TMEM74: variants seen among roughly 807,000 people sequenced by gnomAD.
TMEM74 encodes the protein transmembrane protein 74.
Under a neutral mutation model 18.1 loss-of-function variants are expected in TMEM74, and 13 were observed. The observed-to-expected ratio is 0.72, with a 90% CI of 0.47 to 1.14. The LOEUF (loss-of-function observed/expected upper bound fraction) is 1.14, where lower values mean the gene tolerates loss of function less well. Among genes scored for constraint, TMEM74 ranks in the 50% most tolerant of loss-of-function variants. The probability of loss-of-function intolerance (pLI) is 0.00; values close to 1 mark genes in which losing one functional copy is unlikely to be tolerated. For missense variants in TMEM74, 372 were observed against 375.9 expected, an observed-to-expected ratio of 0.99 and a Z score of 0.09; for synonymous variants, 159 against 146.6, an observed-to-expected ratio of 1.08 and a Z score of -0.61.
chr8:108,758,886 G>T (rs1418093209), intron 1 of TMEM74, among the ~76,000 whole-genome samples: 1 of 151,886 alleles, frequency 6.6e-6, no homozygotes, highest in Non-Finnish European at 1.5e-5. Flanking sequence ...CTAAATCAAA[G>T]CTATATAGAT....
chr8:108,675,808 G>C (rs183711558), intron 1 of TMEM74, among the ~76,000 whole-genome samples: 1 of 152,204 alleles, frequency 6.6e-6, no homozygotes, highest in Non-Finnish European at 1.5e-5. Flanking sequence ...CTAGGCCAGT[G>C]CTATCCACAG....
rs1349376970 is a variant in TMEM74, at chr8:108,783,083, G to A, written c.*1098C>T. Among the ~76,000 whole-genome samples, 1 of 152,146 alleles carries A rather than the reference G, an allele frequency of 6.6e-6. No individual in the cohort carries two copies. Among genetic ancestry groups the A allele is most frequent in the Non-Finnish European group, 1.5e-5 (1 of 68,034 alleles). ...TGACTACAGTCCCCATTAAATCAGT[G>A]TATTGAATCTCTCTTTCCATTTTAT... On this transcript the variant is annotated 3_prime_UTR_variant, in exon 2 of 2. Transcript: ENST00000297459.
chr8:108,775,738 CT>C (rs1016809874), downstream of TMEM74, among the ~76,000 whole-genome samples: 16 of 152,196 alleles, frequency 1.1e-4, no homozygotes, highest in Admixed American at 3.3e-4. Flanking sequence ...GCCTCTGTCT[CT>C]CCTAGCCCCC....
intron 1 of TMEM74, among the ~76,000 whole-genome samples, chr8:108,667,756 A>C (rs918085828): frequency 1.3e-5 from 2 of 152,082 alleles, no homozygotes; most frequent in Non-Finnish European, 2.9e-5. Flanking sequence ...CATCTTTGGA[A>C]TGTTATGTAG....
At chr8:108,624,912 C>T (rs1427573322) in intron 2 of TMEM74, among the ~76,000 whole-genome samples, 1 of 151,824 alleles carries the variant, frequency 6.6e-6, no homozygotes, top group Admixed American at 6.6e-5. Context: ...TTTAAAGTAC[C>T]AGAAAAAGAT....
intron 1 of TMEM74, among the ~76,000 whole-genome samples, chr8:108,658,983 C>A (rs1812873814): frequency 6.6e-6 from 1 of 152,072 alleles, no homozygotes; most frequent in African/African-American, 2.4e-5. Flanking sequence ...GCTAAACTTA[C>A]TTTTACCACG....
At chr8:108,630,255 G>C (rs1264666959) in intron 2 of TMEM74, among the ~76,000 whole-genome samples, 1 of 151,676 alleles carries the variant, frequency 6.6e-6, no homozygotes, top group Non-Finnish European at 1.5e-5. Context: ...TACATAAAAG[G>C]ATCAATGCAA....
chr8:108,733,314 A>T (rs1813713882), intron 1 of TMEM74, among the ~76,000 whole-genome samples: 1 of 152,228 alleles, frequency 6.6e-6, no homozygotes. Context: ...TGGAAAAGCC[A>T]TTAAAATAAA....
chr8:108,754,191 A>G (rs1316041877), intron 1 of TMEM74, among the ~76,000 whole-genome samples: 1 of 152,130 alleles, frequency 6.6e-6, no homozygotes, highest in Admixed American at 6.6e-5. Flanking sequence ...AATTAATTGT[A>G]TCTCCTACTC....
chr8:108,775,945 G>A (rs1488335803), downstream of TMEM74, among the ~76,000 whole-genome samples: 1 of 152,146 alleles, frequency 6.6e-6, no homozygotes, highest in Non-Finnish European at 1.5e-5. Flanking sequence ...TTTAGCAACT[G>A]TTCTTAATGT....
At chr8:108,680,772 G>A (rs902897721) in intron 1 of TMEM74, among the ~76,000 whole-genome samples, 5 of 152,108 alleles carry the variant, frequency 3.3e-5, no homozygotes, top group East Asian at 3.9e-4. Flanking sequence ...AAACCCCATC[G>A]TCTTAGCCCA....
intron 1 of TMEM74, among the ~76,000 whole-genome samples, chr8:108,680,574 A>G (rs1194520858): frequency 6.6e-6 from 1 of 152,240 alleles, no homozygotes; most frequent in African/African-American, 2.4e-5. Context: ...TGAATGGGCA[A>G]AACCTGGAAG....
chr8:108,738,640 C>A (rs1813770827), intron 1 of TMEM74, among the ~76,000 whole-genome samples: 1 of 152,148 alleles, frequency 6.6e-6, no homozygotes, highest in South Asian at 2.1e-4. Context: ...CATCAAGGGA[C>A]AGAGCATCCT....
intron 1 of TMEM74, among the ~76,000 whole-genome samples, chr8:108,702,233 G>T (rs3019333): frequency 1.3e-5 from 2 of 151,044 alleles, no homozygotes; most frequent in Non-Finnish European, 3.0e-5. Flanking sequence ...AATCCCAGCT[G>T]CTTGGAAGGC....
intron 1 of TMEM74, among the ~76,000 whole-genome samples, chr8:108,709,799 G>T (rs1202399153): frequency 1.3e-5 from 2 of 152,120 alleles, no homozygotes; most frequent in Non-Finnish European, 2.9e-5. Context: ...TGTGGTGATG[G>T]TATATTGTGT....
chr8:108,752,666 T>C (rs1041176332), intron 1 of TMEM74, among the ~76,000 whole-genome samples: 2 of 152,244 alleles, frequency 1.3e-5, no homozygotes, highest in South Asian at 2.1e-4. Flanking sequence ...GATTCTTATA[T>C]AACAATTTCT....
intron 1 of TMEM74, among the ~76,000 whole-genome samples, chr8:108,747,025 T>C (rs62509389): frequency 0.02 from 2,971 of 152,270 alleles, 48 homozygotes; most frequent in Non-Finnish European, 0.029. Context: ...AGCAAATTAT[T>C]GAGTCTCAGT....
chr8:108,619,687 G>A (rs923778210), intron 2 of TMEM74, among the ~76,000 whole-genome samples: 6 of 152,190 alleles, frequency 3.9e-5, no homozygotes, highest in Non-Finnish European at 1.5e-5. Flanking sequence ...GGAGGCCTCA[G>A]AGTCCAGCCC....
chr8:108,680,091 G>T (rs914421849), intron 1 of TMEM74, among the ~76,000 whole-genome samples: 1 of 152,084 alleles, frequency 6.6e-6, no homozygotes, highest in Non-Finnish European at 1.5e-5. Flanking sequence ...AGAGGTACAA[G>T]GAGGAGCTGA....
Sources: allele counts gnomAD v4.1 joint callset (sites outside exome capture counted in the v4.1 genomes callset), GRCh38; gene constraint gnomAD v4.1.1; transcripts MANE v1.5; gene names NCBI Gene and HGNC (gene_info 2026-07-23, HGNC 2026-07-21).